The following TAB2 variants were observed in gnomAD, a reference collection of about 807,000 sequenced individuals.
The protein encoded by TAB2 is TGF-beta-activated kinase 1 and MAP3K7-binding protein 2.
In TAB2, 3 loss-of-function variants were observed where a neutral mutation model predicts 65.0. That is an observed-to-expected ratio of 0.05 (90% CI 0.02 to 0.12). The LOEUF (loss-of-function observed/expected upper bound fraction) is 0.12. Ranked by LOEUF, TAB2 falls within the 10% of genes least tolerant of loss-of-function variation. The pLI, the probability that TAB2 is intolerant of heterozygous loss-of-function variation, is 1.00. For missense variants in TAB2, 623 were observed against 840.3 expected (o/e 0.74, Z 3.20); for synonymous variants, 298 against 285.1 (o/e 1.05, Z -0.46).
chr6:149,381,923 C>T (rs548459534), intron 3 of TAB2, among the ~76,000 whole-genome samples: 2 of 152,136 alleles, frequency 1.3e-5, no homozygotes, highest in Non-Finnish European at 2.9e-5. Context: ...GCAATCATCA[C>T]CTTTCAAATG....
At chr6:149,277,355 A>T (rs527365901) in intron 1 of TAB2, among the ~76,000 whole-genome samples, 5 of 152,216 alleles carry the variant, frequency 3.3e-5, no homozygotes, top group East Asian at 3.9e-4. Flanking sequence ...TATTTTTTTT[A>T]AAAAAAGAAC....
chr6:149,219,506 A>C (rs1215839765), intron 1 of TAB2, among the ~76,000 whole-genome samples: 2 of 152,216 alleles, frequency 1.3e-5, no homozygotes, highest in African/African-American at 4.8e-5. Flanking sequence ...CAACTGAGTT[A>C]TTGTTCATTC....
intron 6 of TAB2, 27 bp downstream of exon 6, chr6:149,399,211 CTG>C: frequency 6.2e-7 from 1 of 1,603,414 alleles, no homozygotes; most frequent in Non-Finnish European, 8.5e-7. Context: ...AATGTGAAAA[CTG>C]TTACTTTTGA....
intron 1 of TAB2, among the ~76,000 whole-genome samples, chr6:149,354,638 C>T (rs776431391): frequency 6.6e-6 from 1 of 152,150 alleles, no homozygotes; most frequent in South Asian, 2.1e-4. Context: ...GTTACCAGTT[C>T]TTGTGTATCC....
intron 1 of TAB2, among the ~76,000 whole-genome samples, chr6:149,262,873 A>G (rs914837573): frequency 1.3e-5 from 2 of 151,902 alleles, no homozygotes. Flanking sequence ...GCACGATTGT[A>G]GCTTACTGTG....
At chr6:149,337,373 T>G (rs1017539732) in intron 1 of TAB2, among the ~76,000 whole-genome samples, 5 of 152,220 alleles carry the variant, frequency 3.3e-5, no homozygotes, top group Non-Finnish European at 7.3e-5. Flanking sequence ...AGGGGGACTC[T>G]GTAGCTTTCT....
chr6:149,330,016 C>T (rs1779735796), intron 1 of TAB2, among the ~76,000 whole-genome samples: 1 of 152,102 alleles, frequency 6.6e-6, no homozygotes, highest in African/African-American at 2.4e-5. Context: ...CACTTACCTG[C>T]TTCTGTTCTC....
intron 1 of TAB2, among the ~76,000 whole-genome samples, chr6:149,235,875 C>T (rs1370511124): frequency 6.6e-6 from 1 of 152,208 alleles, no homozygotes; most frequent in Admixed American, 6.5e-5. Flanking sequence ...TTGACTTCCA[C>T]AGGGGGAGGA....
At chr6:149,291,070 T>C (rs923310888) in intron 1 of TAB2, among the ~76,000 whole-genome samples, 3 of 152,350 alleles carry the variant, frequency 2.0e-5, no homozygotes, top group African/African-American at 7.2e-5. Flanking sequence ...TTGAAAAGTT[T>C]TTCTTCTATT....
intron 1 of TAB2, among the ~76,000 whole-genome samples, chr6:149,322,536 G>T (rs1390339190): frequency 6.6e-6 from 1 of 152,076 alleles, no homozygotes; most frequent in East Asian, 1.9e-4. Flanking sequence ...TTTAATCCTG[G>T]TTTTGCCACT....
chr6:149,295,747 T>C (rs559241877), intron 1 of TAB2, among the ~76,000 whole-genome samples: 6 of 152,016 alleles, frequency 3.9e-5, no homozygotes, highest in African/African-American at 9.7e-5. Context: ...TTCTCTGTTA[T>C]ACTTATCTTT....
At chr6:149,309,061 T>C (rs1304060484) in intron 1 of TAB2, among the ~76,000 whole-genome samples, 1 of 152,176 alleles carries the variant, frequency 6.6e-6, no homozygotes, top group African/African-American at 2.4e-5. Context: ...TCATCATATA[T>C]GTTCTAAGTT....
At chr6:149,381,931 A>G (rs896276723) in intron 3 of TAB2, among the ~76,000 whole-genome samples, 7 of 151,962 alleles carry the variant, frequency 4.6e-5, no homozygotes, top group Non-Finnish European at 7.4e-5. Flanking sequence ...CACCTTTCAA[A>G]TGGATTATTG....
chr6:149,293,370 G>A (rs1487641158), intron 1 of TAB2, among the ~76,000 whole-genome samples: 1 of 152,200 alleles, frequency 6.6e-6, no homozygotes, highest in Admixed American at 6.5e-5. Context: ...AGGCTGGAAA[G>A]TGCAATTGAA....
chr6:149,273,319 G>A lies in TAB2; in HGVS notation c.-121+54543G>A, dbSNP rs1470966096. On this transcript the variant is annotated intron_variant, in intron 1 of 1. Transcript: ENST00000606202. Reference sequence around the variant, plus strand: ...TGGGAAAAAGAAGATGGAGGGAAATGGCAGGTCTTAGACAAGGGCAGCAGT... The same window carrying A: ...TGGGAAAAAGAAGATGGAGGGAAATAGCAGGTCTTAGACAAGGGCAGCAGT... 2.0e-5 allele frequency among the ~76,000 whole-genome samples: 3 copies of A among 152,178 alleles called. No homozygotes were observed. The East Asian group carries it at 5.8e-4, about 29-fold the overall frequency.
intron 1 of TAB2, among the ~76,000 whole-genome samples, chr6:149,359,704 A>G (rs1188735765): frequency 6.6e-6 from 1 of 152,194 alleles, no homozygotes; most frequent in Non-Finnish European, 1.5e-5. Flanking sequence ...ATATCACCAC[A>G]GTATTTTAAC....
chr6:149,401,751 T>C (rs529424478), intron 6 of TAB2, among the ~76,000 whole-genome samples: 85 of 152,136 alleles, frequency 5.6e-4, no homozygotes, highest in African/African-American at 2.0e-3. Flanking sequence ...CCTAAGAAGA[T>C]AGAAATCATT....
intron 1 of TAB2, among the ~76,000 whole-genome samples, chr6:149,323,886 A>G (rs1382168135): frequency 6.6e-6 from 1 of 151,276 alleles, no homozygotes; most frequent in Non-Finnish European, 1.5e-5. Flanking sequence ...TGAGATAGGA[A>G]TACATACAAC....
intron 1 of TAB2, among the ~76,000 whole-genome samples, chr6:149,306,887 T>G (rs1404758912): frequency 6.6e-6 from 1 of 152,252 alleles, no homozygotes; most frequent in Non-Finnish European, 1.5e-5. Flanking sequence ...TACAGTTTAT[T>G]TTCTTAATTT....
Sources: allele counts gnomAD v4.1 joint callset (sites outside exome capture counted in the v4.1 genomes callset), GRCh38; gene constraint gnomAD v4.1.1; transcripts MANE v1.5; gene names NCBI Gene and HGNC (gene_info 2026-07-23, HGNC 2026-07-21).